The following TICAM2 variants were observed in gnomAD, a reference collection of about 807,000 sequenced individuals.
The protein encoded by TICAM2 is TIR domain-containing adapter molecule 2.
Under a neutral mutation model 7.3 loss-of-function variants are expected in TICAM2, and 8 were observed. The ratio of observed to expected loss-of-function variants is 1.10; its 90% confidence interval spans 0.65 to 1.99. TICAM2 has a LOEUF of 1.99. TICAM2 is among the 30% of genes most tolerant of loss of function. The probability of loss-of-function intolerance (pLI) is 0.00; values close to 1 mark genes in which losing one functional copy is unlikely to be tolerated. For synonymous variants in TICAM2, 113 were observed against 99.6 expected (o/e 1.13, Z -0.80); for missense variants, 304 against 278.8 (o/e 1.09, Z -0.65).
rs972105040 is a variant in TICAM2, at chr5:115,584,025, C to T, written c.-59-2710G>A. Reference sequence around the variant, plus strand: ...GTGTATGTATATACATTTTCATTTACTTTTTTTAAAAAAAGGTGGTGGTGT... The same window carrying T: ...GTGTATGTATATACATTTTCATTTATTTTTTTTAAAAAAAGGTGGTGGTGT... On this transcript the variant is annotated intron_variant, in intron 1 of 1. Transcript: ENST00000427199. Among the ~76,000 whole-genome samples the T allele has an allele frequency of 2.0e-5, 3 of 152,178 alleles. No homozygotes were observed. The East Asian group carries it at 5.8e-4, about 29-fold the overall frequency.
At chr5:115,584,609 A>T (rs952200328) in intron 1 of TICAM2, among the ~76,000 whole-genome samples, 4 of 152,198 alleles carry the variant, frequency 2.6e-5, no homozygotes, top group African/African-American at 7.2e-5. Context: ...AGCCTTTTTT[A>T]AAAAAACTTA....
At chr5:115,588,267 C>T (rs1436255941) in intron 1 of TICAM2, among the ~76,000 whole-genome samples, 1 of 152,166 alleles carries the variant, frequency 6.6e-6, no homozygotes, top group African/African-American at 2.4e-5. Context: ...TCCTCTTGGG[C>T]ACTGGGTAAG....
At chr5:115,594,441 T>C in intron 1 of TICAM2, among the ~76,000 whole-genome samples, 1 of 152,226 alleles carries the variant, frequency 6.6e-6, no homozygotes, top group East Asian at 1.9e-4. Flanking sequence ...AGTATGTGTG[T>C]TTAAACGCCA....
intron 1 of TICAM2, chr5:115,581,628 A>T (rs755447844): frequency 6.3e-5 from 19 of 299,612 alleles, no homozygotes; most frequent in Non-Finnish European, 1.0e-4. Context: ...TTTTTGTGAT[A>T]GGTACCATAC....
At chr5:115,591,522 T>A (rs1755301841) in intron 1 of TICAM2, among the ~76,000 whole-genome samples, 1 of 152,114 alleles carries the variant, frequency 6.6e-6, no homozygotes, top group African/African-American at 2.4e-5. Flanking sequence ...ATAACTGTGA[T>A]TGCACAAGAG....
intron 1 of TICAM2, among the ~76,000 whole-genome samples, chr5:115,587,020 A>C (rs1012993765): frequency 6.6e-6 from 1 of 152,160 alleles, no homozygotes; most frequent in African/African-American, 2.4e-5. Flanking sequence ...ACTTGAAAAA[A>C]CACTGAGGTA....
chr5:115,601,101 G>C (rs1755716192), intron 1 of TICAM2, among the ~76,000 whole-genome samples: 1 of 152,100 alleles, frequency 6.6e-6, no homozygotes, highest in Non-Finnish European at 1.5e-5. Context: ...ATTTGAATGA[G>C]ATATAAAGTG....
At chr5:115,596,867 C>T (rs900811707) in intron 1 of TICAM2, among the ~76,000 whole-genome samples, 51 of 152,056 alleles carry the variant, frequency 3.4e-4, no homozygotes, top group African/African-American at 1.1e-3. Context: ...TGCAGTGAGC[C>T]GAGATCACGC....
intron 1 of TICAM2, among the ~76,000 whole-genome samples, chr5:115,588,925 C>A (rs1755207770): frequency 6.6e-6 from 1 of 152,096 alleles, no homozygotes; most frequent in Non-Finnish European, 1.5e-5. Flanking sequence ...TTTCTAGAAA[C>A]CCAACCTAGA....
intron 1 of TICAM2, among the ~76,000 whole-genome samples, chr5:115,585,167 G>A (rs1423517836): frequency 6.6e-6 from 1 of 152,054 alleles, no homozygotes; most frequent in South Asian, 2.1e-4. Flanking sequence ...CTATCCTTAG[G>A]GGTTTTATGA....
intron 1 of TICAM2, among the ~76,000 whole-genome samples, chr5:115,593,001 G>A (rs1415537002): frequency 2.6e-5 from 4 of 152,154 alleles, no homozygotes; most frequent in Non-Finnish European, 2.9e-5. Flanking sequence ...AAATTAGCTA[G>A]GTGTGGTGCC....
intron 1 of TICAM2, among the ~76,000 whole-genome samples, chr5:115,598,100 T>C (rs1448509295): frequency 6.6e-6 from 1 of 152,210 alleles, no homozygotes; most frequent in Admixed American, 6.5e-5. Context: ...AAATAGTTTT[T>C]TAGTAAATAA....
chr5:115,581,597 T>A, intron 1 of TICAM2: 1 of 341,208 alleles, frequency 2.9e-6, no homozygotes, highest in Non-Finnish European at 5.3e-6. Context: ...AACCTCCAGA[T>A]TGAAATAAAT....
intron 1 of TICAM2, among the ~76,000 whole-genome samples, chr5:115,590,792 G>C (rs1755272692): frequency 6.6e-6 from 1 of 152,114 alleles, no homozygotes; most frequent in African/African-American, 2.4e-5. Context: ...GGCTACAAAG[G>C]AAAGAGGAAA....
chr5:115,584,723 T>C (rs959545131), intron 1 of TICAM2, among the ~76,000 whole-genome samples: 1 of 152,154 alleles, frequency 6.6e-6, no homozygotes, highest in Non-Finnish European at 1.5e-5. Context: ...GTGAATCATA[T>C]CCATCCCCTC....
intron 1 of TICAM2, among the ~76,000 whole-genome samples, chr5:115,592,437 C>T (rs1282465804): frequency 2.0e-5 from 3 of 152,144 alleles, no homozygotes; most frequent in Non-Finnish European, 2.9e-5. Flanking sequence ...TGGTTTGCTG[C>T]ACAGATCATC....
intron 1 of TICAM2, among the ~76,000 whole-genome samples, chr5:115,601,810 A>G (rs1002522605): frequency 1.2e-4 from 18 of 152,162 alleles, no homozygotes; most frequent in Non-Finnish European, 4.4e-5. Flanking sequence ...ACTCTGGGCT[A>G]TTTGCTTATG....
rs1209235548 is a variant in TICAM2, at chr5:115,581,109, T to G, written c.148A>C (p.Asn50His). 2 of 1,614,074 alleles carry G rather than the reference T, an allele frequency of 1.2e-6. No homozygotes were observed. Among genetic ancestry groups the G allele is most frequent in the African/African-American group, 2.7e-5 (2 of 74,918 alleles). The change falls in exon 2 of 2, where the codon AAT (asparagine) becomes CAT (histidine). Residue 50 changes from asparagine (N) to histidine (H), a missense_variant. Physicochemically the swap from Asn to His is moderately conservative, Grantham distance 68. Coordinates refer to ENST00000427199, the MANE Select transcript of TICAM2 (RefSeq NM_021649.7). ...LSLCNVAEHS[N>H]TTEGPTGKQE... ...TTTCCTGTTGGCCCCTCTGTTGTAT[T>G]GCTGTGCTCAGCAACATTACACAAG...
intron 1 of TICAM2, among the ~76,000 whole-genome samples, chr5:115,600,101 G>A (rs547473362): frequency 1.3e-5 from 2 of 152,198 alleles, no homozygotes; most frequent in South Asian, 2.1e-4. Context: ...GCTTGGATGC[G>A]GAGTCTGACC....
Sources: gnomAD v4.1 joint callset for allele counts (sites outside exome capture counted in the v4.1 genomes callset) on GRCh38, gnomAD v4.1.1 for gene constraint, MANE v1.5 for transcripts, NCBI Gene and HGNC (gene_info 2026-07-23, HGNC 2026-07-21) for gene names.